The following KIF27 variants were observed in gnomAD, a reference collection of about 807,000 sequenced individuals.
The protein encoded by KIF27 is kinesin family member 27.
Under a neutral mutation model 141.8 loss-of-function variants are expected in KIF27, and 84 were observed. The ratio of observed to expected loss-of-function variants is 0.59; its 90% confidence interval spans 0.50 to 0.71. The LOEUF (loss-of-function observed/expected upper bound fraction) is 0.71. Among genes scored for constraint, KIF27 ranks in the 30% least tolerant of loss-of-function variants. The pLI is 0.00. For missense variants in KIF27, 1,306 were observed against 1,628.4 expected, an observed-to-expected ratio of 0.80 and a Z score of 3.41; for synonymous variants, 471 against 569.5, an observed-to-expected ratio of 0.83 and a Z score of 2.46.
chr9:83,839,610 C>A (rs1344222628), intron 17 of KIF27, among the ~76,000 whole-genome samples: 1 of 152,094 alleles, frequency 6.6e-6, no homozygotes, highest in Non-Finnish European at 1.5e-5. Context: ...TTTGAAAATG[C>A]CAAAAATATT....
chr9:83,917,747 T>C (rs560018658), intron 1 of KIF27, among the ~76,000 whole-genome samples: 2 of 152,236 alleles, frequency 1.3e-5, no homozygotes, highest in South Asian at 4.1e-4. Flanking sequence ...GGACAATGGA[T>C]AAAATAATGA....
intron 11 of KIF27, among the ~76,000 whole-genome samples, chr9:83,875,017 C>T (rs1412103193): frequency 1.3e-5 from 2 of 149,998 alleles, no homozygotes; most frequent in African/African-American, 4.9e-5. Flanking sequence ...CAGACTTCTA[C>T]TCTTTGAAGA....
At chr9:83,864,046 G>T (rs761437228) in intron 13 of KIF27, among the ~76,000 whole-genome samples, 1 of 151,764 alleles carries the variant, frequency 6.6e-6, no homozygotes, top group Non-Finnish European at 1.5e-5. Context: ...TTTTTATTGC[G>T]TCTATTTGAT....
Position 83,908,449 on chromosome 9 carries a change from T to A in KIF27, c.499+3A>T, listed in dbSNP as rs1277138679. On this transcript the variant is annotated splice_donor_region_variant and intron_variant, in intron 3 of 17. Coordinates refer to ENST00000297814, the MANE Select transcript of KIF27 (RefSeq NM_017576.4). ...AGGCAACTGATTAAGTGTGCTACTTTACCTGTGTTTCCTTTTTCATCTTCT... is the reference window on the plus strand; with the variant it reads ...AGGCAACTGATTAAGTGTGCTACTTAACCTGTGTTTCCTTTTTCATCTTCT... 2 of 1,592,936 alleles carry A rather than the reference T, an allele frequency of 1.3e-6. No homozygotes were observed. The highest frequency in any genetic ancestry group is 2.7e-5 in the African/African-American group (2 of 74,312).
rs1362219300 is a variant in KIF27, at chr9:83,903,358, C to T, written c.1160G>A (p.Gly387Glu). Residue 387 changes from glycine to glutamate, a missense_variant, in exon 4 of 18, where the codon GGG (glycine) becomes GAG (glutamate). By Grantham distance (98) the Gly-to-Glu change is moderately conservative (BLOSUM62 -2). Transcript: ENST00000297814. ...ATGAATCCTATTTGTATCAGGACTCCCTTCTCGATTGATCTGGGTAGTTTG... is the reference window on the plus strand; with the variant it reads ...ATGAATCCTATTTGTATCAGGACTCTCTTCTCGATTGATCTGGGTAGTTTG... ...VSQTTQINREGSPDTNRIHSL... is the reference protein window; with the variant it reads ...VSQTTQINREESPDTNRIHSL... 6.2e-7 allele frequency: 1 copy of T among 1,614,026 alleles called. No homozygotes were observed. Among genetic ancestry groups the T allele is most frequent in the African/African-American group, 1.3e-5 (1 of 74,940 alleles).
intron 12 of KIF27, among the ~76,000 whole-genome samples, chr9:83,869,101 T>TA (rs1429261645): frequency 6.6e-6 from 1 of 152,162 alleles, no homozygotes; most frequent in Admixed American, 6.5e-5. Flanking sequence ...GGAAAAAACC[T>TA]AAAAAATTAC....
At chr9:83,848,791 A>T (rs981811945) in intron 16 of KIF27, 14 of 151,518 alleles carry the variant, frequency 9.2e-5, no homozygotes, top group African/African-American at 3.2e-4. Flanking sequence ...CAATTTGTAC[A>T]GCTATAGAAA....
intron 13 of KIF27, among the ~76,000 whole-genome samples, chr9:83,860,957 ATTAGAC>A (rs1949841276): frequency 6.6e-6 from 1 of 151,372 alleles, no homozygotes; most frequent in African/African-American, 2.4e-5. Flanking sequence ...AAAATTATTT[ATTAGAC>A]TTAATTTTCC....
At chr9:83,839,321 T>G (rs891419197) in intron 17 of KIF27, among the ~76,000 whole-genome samples, 1 of 152,214 alleles carries the variant, frequency 6.6e-6, no homozygotes, top group Admixed American at 6.5e-5. Flanking sequence ...CAGAATTTTA[T>G]AATTGAGGGA....
intron 13 of KIF27, among the ~76,000 whole-genome samples, chr9:83,861,202 T>C (rs1949872328): frequency 6.6e-6 from 1 of 151,576 alleles, no homozygotes; most frequent in Non-Finnish European, 1.5e-5. Context: ...TATATAACTT[T>C]AAGTTCTAGG....
chr9:83,859,975 C>A (rs897417841), intron 13 of KIF27: 2 of 151,896 alleles, frequency 1.3e-5, no homozygotes, highest in African/African-American at 4.8e-5. Flanking sequence ...CTAAATTGAA[C>A]TTTTCTTTCT....
chr9:83,906,773 C>T (rs958790006), intron 3 of KIF27, among the ~76,000 whole-genome samples: 1 of 146,502 alleles, frequency 6.8e-6, no homozygotes, highest in Non-Finnish European at 1.5e-5. Flanking sequence ...AAAGAATAGT[C>T]ACTGCAATAT....
In KIF27 at chr9:83,848,334, T is replaced by TATC. The variant is rs1411888652; in HGVS notation, c.3556+1764_3556+1765insGAT. ...GATATATCATATATCTATATATCTA[T>TATC]ATATATCTATGTATCTATATATATC... is the stretch of plus-strand genomic sequence containing the variant. On this transcript the variant is annotated intron_variant, in intron 16 of 17. Coordinates refer to ENST00000297814, the MANE Select transcript of KIF27 (RefSeq NM_017576.4). Among the ~76,000 whole-genome samples the TATC allele has an allele frequency of 3.2e-4, 30 of 95,100 alleles. 2 individuals carry two copies. The highest frequency in any genetic ancestry group is 5.9e-4 in the Admixed American group (6 of 10,102). The allele number at this position is 95,100 out of a possible 152,430, so 62.4% of individuals were successfully genotyped here. A position where few individuals can be genotyped will look rare whatever the true frequency, so the allele number is the denominator to read the frequency against.
intron 16 of KIF27, among the ~76,000 whole-genome samples, chr9:83,844,096 T>C (rs1026547719): frequency 6.6e-6 from 1 of 152,092 alleles, no homozygotes; most frequent in African/African-American, 2.4e-5. Context: ...CCAGCGAATA[T>C]GAAGCAGGCA....
Position 83,855,757 on chromosome 9 carries a change from C to G in KIF27, c.3151-1922G>C, listed in dbSNP as rs1949128513. ...ACCTATCCACAATGTTCAGTGAGGA[C>G]TTTACTGTACTTGACTTTTGAATTT... is the stretch of plus-strand genomic sequence containing the variant. On this transcript the variant is annotated intron_variant, in intron 14 of 17. Transcript: ENST00000297814. 2.0e-5 allele frequency among the ~76,000 whole-genome samples: 3 copies of G among 152,146 alleles called. No individual in the cohort carries two copies. In the South Asian group the frequency reaches 6.2e-4, roughly 32 times the overall value.
At chr9:83,911,647 G>T (rs934090729) in intron 2 of KIF27, among the ~76,000 whole-genome samples, 7 of 151,970 alleles carry the variant, frequency 4.6e-5, no homozygotes, top group African/African-American at 1.7e-4. Context: ...AGGTTCAAGT[G>T]ATTCTCCCGC....
At chr9:83,919,031 G>A (rs1008529672) in intron 1 of KIF27, among the ~76,000 whole-genome samples, 3 of 151,976 alleles carry the variant, frequency 2.0e-5, no homozygotes, top group Admixed American at 1.3e-4. Context: ...AGCTGAGATC[G>A]AACCACTGCA....
Position 83,891,323 on chromosome 9 carries a change from T to G in KIF27, c.1781A>C (p.Tyr594Ser). Reference sequence around the variant, plus strand: ...CCTGGAATCTTGTCTTGATGGGATATAAATATAATGCCCCAAATGAGTATC... The same window carrying G: ...CCTGGAATCTTGTCTTGATGGGATAGAAATATAATGCCCCAAATGAGTATC... The part of the protein sequence containing the change: ...PFDTHLGHYI[Y>S]IPSRQDSRKV... Residue 594 changes from tyrosine (Y) to serine (S), a missense_variant, in exon 6 of 18, where the codon TAT becomes TCT. Tyr to Ser is a moderately radical substitution (Grantham distance 144). Around this residue, in one of 4 missense-constraint regions of KIF27, gnomAD observed 596 missense variants for 751.6 expected, o/e 0.79. Transcript: ENST00000297814. 6.2e-7 allele frequency: 1 copy of G among 1,613,274 alleles called. No homozygotes were observed. Among genetic ancestry groups the G allele is most frequent in the South Asian group, 1.1e-5 (1 of 90,916 alleles).
chr9:83,848,302 T>C (rs1192077552), intron 16 of KIF27, among the ~76,000 whole-genome samples: 2 of 114,016 alleles, frequency 1.8e-5, no homozygotes, highest in Non-Finnish European at 1.7e-5. Flanking sequence ...TCAGATATGA[T>C]ATATATGATA....
Sources: allele counts gnomAD v4.1 joint callset (sites outside exome capture counted in the v4.1 genomes callset), GRCh38; gene constraint gnomAD v4.1.1; regional missense constraint gnomAD v4.1.1; transcripts MANE v1.5; gene names NCBI Gene and HGNC (gene_info 2026-07-23, HGNC 2026-07-21).